SPSB4: variants seen among roughly 807,000 people sequenced by gnomAD.
The protein encoded by SPSB4 is SPRY domain-containing SOCS box protein 4.
SPSB4 carries 21 observed loss-of-function variants against 20.9 expected under a neutral mutation model. The observed-to-expected ratio is 1.01, with a 90% CI of 0.71 to 1.45. The LOEUF is 1.45. Among genes scored for constraint, SPSB4 ranks in the 40% most tolerant of loss-of-function variants. The probability of loss-of-function intolerance (pLI) is 0.00; values close to 1 mark genes in which losing one functional copy is unlikely to be tolerated. For missense variants in SPSB4, 399 were observed against 399.2 expected, an observed-to-expected ratio of 1.00 and a Z score of 0.00; for synonymous variants, 207 against 183.8, an observed-to-expected ratio of 1.13 and a Z score of -1.02.
intron 1 of SPSB4, among the ~76,000 whole-genome samples, chr3:141,056,193 G>A (rs766026475): frequency 6.6e-6 from 1 of 152,224 alleles, no homozygotes; most frequent in Non-Finnish European, 1.5e-5. Context: ...TCATCCATCT[G>A]ACCTTTAATG....
chr3:141,147,444 T>G lies in SPSB4; in HGVS notation c.*175T>G. 9.1e-7 allele frequency: 1 copy of G among 1,102,166 alleles called. No individual in the cohort carries two copies. The highest frequency in any genetic ancestry group is 1.6e-5 in the South Asian group (1 of 62,434). The allele number at this position is 1,102,166 out of a possible 1,614,324, so 68.3% of individuals were successfully genotyped here. A position where few individuals can be genotyped will look rare whatever the true frequency, so the allele number is the denominator to read the frequency against. On this transcript the variant is annotated 3_prime_UTR_variant, in exon 3 of 3. Transcript: ENST00000310546. The stretch of plus-strand genomic sequence containing the variant: ...CCAACTTTGGAAACGAAAGGTCTCT[T>G]GCCAACAGTATCTACTGCCCTCGAG...
chr3:141,075,824 A>AT (rs1559842094), intron 2 of SPSB4, among the ~76,000 whole-genome samples: 1 of 149,970 alleles, frequency 6.7e-6, no homozygotes, highest in Non-Finnish European at 1.5e-5. Context: ...AGGCAGGCGG[A>AT]TCACTTGAGG....
chr3:141,107,811 C>T (rs1938723029), intron 2 of SPSB4, among the ~76,000 whole-genome samples: 1 of 152,038 alleles, frequency 6.6e-6, no homozygotes. Context: ...AAAAATTAGC[C>T]AGGCATGGTG....
At chr3:141,100,236 G>A (rs1255928795) in intron 2 of SPSB4, among the ~76,000 whole-genome samples, 2 of 152,130 alleles carry the variant, frequency 1.3e-5, no homozygotes, top group African/African-American at 2.4e-5. Context: ...ATATGTTGAT[G>A]TCCTAACCCC....
chr3:141,140,485 A>C (rs1458121367), intron 2 of SPSB4, among the ~76,000 whole-genome samples: 1 of 152,058 alleles, frequency 6.6e-6, no homozygotes, highest in Non-Finnish European at 1.5e-5. Context: ...GTCTTTGATG[A>C]TGGTGACGTA....
At position 141,066,554 on chromosome 3, in the gene SPSB4, C is replaced by A. The variant is rs753009051; in HGVS notation, c.450C>A (p.Tyr150Ter). Residue 150 changes from tyrosine (Y) to a stop codon, truncating the protein, a stop_gained, in exon 2 of 3, where the codon TAC becomes TAA. Coordinates refer to ENST00000310546, the MANE Select transcript of SPSB4 (RefSeq NM_080862.3). LOFTEE classifies it high-confidence loss of function. ...GGGACCTGGGCCGCAGCCGCCTCTACCACGACGGCAAGAACCAGCCCGGCG... is the reference window on the plus strand; with the variant it reads ...GGGACCTGGGCCGCAGCCGCCTCTAACACGACGGCAAGAACCAGCCCGGCG... ...WGWDLGRSRL[Y>*]HDGKNQPGVA... 1.3e-6 allele frequency: 2 copies of A among 1,530,318 alleles called. No homozygotes were observed. Among genetic ancestry groups the A allele is most frequent in the Non-Finnish European group, 1.8e-6 (2 of 1,137,798 alleles). 94.8% of individuals were successfully genotyped at this position (1,530,318 alleles called of 1,614,324 possible). A position where few individuals can be genotyped will look rare whatever the true frequency, so the allele number is the denominator to read the frequency against.
chr3:141,111,748 C>T (rs1938800942), intron 2 of SPSB4, among the ~76,000 whole-genome samples: 2 of 152,024 alleles, frequency 1.3e-5, no homozygotes, highest in Admixed American at 1.3e-4. Context: ...TGTTTGGGTC[C>T]TCGGAAAAAG....
chr3:141,070,554 T>C (rs1326522171), intron 2 of SPSB4, among the ~76,000 whole-genome samples: 1 of 152,128 alleles, frequency 6.6e-6, no homozygotes, highest in African/African-American at 2.4e-5. Context: ...AAAAAAAATT[T>C]TTTTTGTAGA....
chr3:141,052,351 G>A (rs988357401), intron 1 of SPSB4, among the ~76,000 whole-genome samples: 2 of 152,192 alleles, frequency 1.3e-5, no homozygotes, highest in African/African-American at 4.8e-5. Context: ...CCGTAGGATG[G>A]GAATGATAAT....
At chr3:141,102,226 T>G (rs1938622475) in intron 2 of SPSB4, among the ~76,000 whole-genome samples, 1 of 152,172 alleles carries the variant, frequency 6.6e-6, no homozygotes, top group Middle Eastern at 3.2e-3. Flanking sequence ...ACTTAGTAAC[T>G]GAGTAATATA....
In SPSB4 at chr3:141,089,554, G is replaced by A. The variant is rs575501272; in HGVS notation, c.694+22756G>A. ...AGGCCAGCTTGAACAAAGGTGGAGG[G>A]AGGAGATGAGTGTGGGGCAGGTAAG... On this transcript the variant is annotated intron_variant, in intron 2 of 2. Transcript: ENST00000310546. Among the ~76,000 whole-genome samples, 4 of 151,650 alleles carry A rather than the reference G, an allele frequency of 2.6e-5. No individual in the cohort carries two copies. In the South Asian group the frequency reaches 8.3e-4, roughly 31 times the overall value.
intron 1 of SPSB4, among the ~76,000 whole-genome samples, chr3:141,056,580 G>A (rs1202726123): frequency 6.6e-6 from 1 of 152,258 alleles, no homozygotes; most frequent in Non-Finnish European, 1.5e-5. Flanking sequence ...TCTGTTTCCA[G>A]ACAACCAGTT....
chr3:141,063,340 A>G (rs959649650), intron 1 of SPSB4, among the ~76,000 whole-genome samples: 12 of 152,120 alleles, frequency 7.9e-5, no homozygotes, highest in African/African-American at 2.9e-4. Context: ...GCAGTTTACT[A>G]TGGCCATTTA....
chr3:141,079,426 T>G (rs1938182958), intron 2 of SPSB4, among the ~76,000 whole-genome samples: 1 of 152,174 alleles, frequency 6.6e-6, no homozygotes, highest in African/African-American at 2.4e-5. Context: ...CTACCAATAG[T>G]AAATTGAAAT....
In SPSB4 at chr3:141,066,662, C is replaced by A. The variant is rs1418363129; in HGVS notation, c.558C>A (p.Gly186=). Residue 186 remains glycine (G), a synonymous_variant, in exon 2 of 3, where the codon GGC becomes GGA. Coordinates refer to ENST00000310546, the MANE Select transcript of SPSB4 (RefSeq NM_080862.3). ...TCGTGGTGCTGGACATGGATGAGGG[C>A]ACACTCAGCTTCATCGTGGATGGCC... ...SLLVVLDMDE[G]TLSFIVDGQY... 3.7e-6 allele frequency: 6 copies of A among 1,613,170 alleles called. No homozygotes were observed. In the South Asian group the frequency reaches 6.6e-5, roughly 18 times the overall value.
chr3:141,104,786 T>C (rs1938663491), intron 2 of SPSB4, among the ~76,000 whole-genome samples: 2 of 152,196 alleles, frequency 1.3e-5, no homozygotes, highest in African/African-American at 4.8e-5. Context: ...TGTCACTTTA[T>C]GAGGTGCTAG....
chr3:141,131,292 C>G (rs1162964425), intron 2 of SPSB4, among the ~76,000 whole-genome samples: 1 of 152,068 alleles, frequency 6.6e-6, no homozygotes, highest in African/African-American at 2.4e-5. Context: ...GGCAGGCAGG[C>G]AAATGCTTCA....
At chr3:141,059,028 G>C (rs910272114) in intron 1 of SPSB4, among the ~76,000 whole-genome samples, 1 of 152,212 alleles carries the variant, frequency 6.6e-6, no homozygotes, top group Non-Finnish European at 1.5e-5. Flanking sequence ...GGAGGGAGTA[G>C]TGCAGTGGCT....
chr3:141,117,449 T>C (rs896190138), intron 2 of SPSB4, among the ~76,000 whole-genome samples: 3 of 152,254 alleles, frequency 2.0e-5, no homozygotes, highest in African/African-American at 4.8e-5. Context: ...GCCAAGCTCT[T>C]TGAGTTTGGT....
Sources: allele counts gnomAD v4.1 joint callset (sites outside exome capture counted in the v4.1 genomes callset), GRCh38; gene constraint gnomAD v4.1.1; transcripts MANE v1.5; gene names NCBI Gene and HGNC (gene_info 2026-07-23, HGNC 2026-07-21).